SLC34A3: variants seen among roughly 807,000 people sequenced by gnomAD.
The protein encoded by SLC34A3 is solute carrier family 34 member 3, also known as sodium-dependent phosphate transport protein 2C.
SLC34A3 carries 60 observed loss-of-function variants against 43.9 expected under a neutral mutation model. The observed-to-expected ratio is 1.37, with a 90% CI of 1.11 to 1.70. SLC34A3 has a LOEUF of 1.70. Ranked by LOEUF, SLC34A3 falls within the 40% of genes most tolerant of loss-of-function variation. The probability of loss-of-function intolerance (pLI) is 0.00; values close to 1 mark genes in which losing one functional copy is unlikely to be tolerated. For synonymous variants in SLC34A3, 451 were observed against 386.2 expected (o/e 1.17, Z -1.97); for missense variants, 969 against 823.8 (o/e 1.18, Z -2.16).
intron 3 of SLC34A3, 83 bp from the exon 4 acceptor site, chr9:137,232,492 G>A (rs1028890508): frequency 5.7e-6 from 9 of 1,571,456 alleles, no homozygotes; most frequent in Admixed American, 1.7e-5. Flanking sequence ...ACAGAGGAGA[G>A]AGGGGGCAGA....
chr9:137,234,307 G>A lies in SLC34A3; in HGVS notation c.1093+31G>A, dbSNP rs772901511. On this transcript the variant is annotated intron_variant, in intron 10 of 12. Transcript: ENST00000673835. This position sits in a 1 kb window ranked among gnomAD's most constrained non-coding sequence, Gnocchi z 6.9. Reference sequence around the variant, plus strand: ...GGCGTGGGAGGAGGTGCGGTGGCCAGGGCTGACCCAGCATCCCCCATAGAC... The same window carrying A: ...GGCGTGGGAGGAGGTGCGGTGGCCAAGGCTGACCCAGCATCCCCCATAGAC... 2 of 1,607,252 alleles carry A rather than the reference G, an allele frequency of 1.2e-6. No homozygotes were observed. The highest frequency in any genetic ancestry group is 1.7e-6 in the Non-Finnish European group (2 of 1,179,160).
chr9:137,234,072 C>T lies in SLC34A3; in HGVS notation c.926-37C>T, dbSNP rs1836420304. ...GGCCCGGCCCACCCCGGCCCACCCCCCAGGCTCCCCCTCACCTGCCCCTGC... is the reference window on the plus strand; with the variant it reads ...GGCCCGGCCCACCCCGGCCCACCCCTCAGGCTCCCCCTCACCTGCCCCTGC... On this transcript the variant is annotated intron_variant, in intron 9 of 12. Transcript: ENST00000673835. This position sits in a 1 kb window ranked among gnomAD's most constrained non-coding sequence, Gnocchi z 6.9. 6 of 1,501,228 alleles carry T rather than the reference C, an allele frequency of 4.0e-6. No individual in the cohort carries two copies. The highest frequency in any genetic ancestry group is 5.4e-6 in the Non-Finnish European group (6 of 1,117,236). 93.0% of individuals were successfully genotyped at this position (1,501,228 alleles called of 1,614,324 possible). A position where few individuals can be genotyped will look rare whatever the true frequency, so the allele number is the denominator to read the frequency against.
In SLC34A3 at chr9:137,233,609, C is replaced by T. The variant is rs758312189; in HGVS notation, c.757-24C>T. ...AGTCCTGAGAGAGGGTGCAGCACAC[C>T]GTCACGACCCCTCTGGCCCCCAGTT... On this transcript the variant is annotated intron_variant, in intron 7 of 12. Transcript: ENST00000673835. 122 of 1,607,258 alleles carry T rather than the reference C, an allele frequency of 7.6e-5. 2 individuals are homozygous for T. The highest frequency in any genetic ancestry group is 1.5e-4 in the South Asian group (14 of 90,958).
chr9:137,234,718 T>G lies in SLC34A3; in HGVS notation c.1322T>G (p.Leu441Arg). 2 of 1,610,366 alleles carry G rather than the reference T, an allele frequency of 1.2e-6. No homozygotes were observed. Among genetic ancestry groups the G allele is most frequent in the Non-Finnish European group, 1.7e-6 (2 of 1,179,796 alleles). Residue 441 changes from leucine to arginine, a missense_variant, in exon 12 of 13, where the codon CTC becomes CGC. Transcript: ENST00000673835. This position sits in a 1 kb window ranked among gnomAD's most constrained non-coding sequence, Gnocchi z 6.9. ...CTGGCCAGCCCCGCAGACAGGATGC[T>G]CAGCGCCCTGCAGGTACTGTCCACC... ...AALASPADRM[L>R]SALQVALIHF...
intron 12 of SLC34A3, 34 bp from the exon 13 acceptor site, chr9:137,235,917 TG>T: frequency 6.2e-7 from 1 of 1,602,280 alleles, no homozygotes; most frequent in South Asian, 1.1e-5. Flanking sequence ...CCCACCTCGT[TG>T]GGCCCAGGCC....
At chr9:137,233,972 A>T in intron 9 of SLC34A3, 31 bp downstream of exon 9, 1 of 847,608 alleles carries the variant, frequency 1.2e-6, no homozygotes, top group Non-Finnish European at 1.4e-6. Context: ...AGCCCCCTAC[A>T]CCCCCCACAC....
chr9:137,233,830 G>A lies in SLC34A3; in HGVS notation c.847-33G>A, dbSNP rs940864714. On this transcript the variant is annotated intron_variant, in intron 8 of 12. Transcript: ENST00000673835. ...GCCCTCTGACCTCTGTCTGCCCACT[G>A]AGCCTGTCCTGAGTCCTCCCTGCCC... 5 of 1,289,504 alleles carry A rather than the reference G, an allele frequency of 3.9e-6. No homozygotes were observed. The Admixed American group carries it at 9.3e-5, about 24-fold the overall frequency. The allele number at this position is 1,289,504 out of a possible 1,614,324, so 79.9% of individuals were successfully genotyped here.
Position 137,234,215 on chromosome 9 carries a change from G to T in SLC34A3, c.1032G>T (p.Lys344Asn). ...GCGGCTGCCTGGTCCTCATAGTCAA[G>T]CTGCTCAACTCTGTGCTGCGCGGCC... ...VLCGCLVLIV[K>N]LLNSVLRGRV... Residue 344 changes from lysine to asparagine, a missense_variant, in exon 10 of 13, where the codon AAG becomes AAT. By Grantham distance (94) the Lys-to-Asn change is moderately conservative. Coordinates refer to ENST00000673835, the MANE Select transcript of SLC34A3 (RefSeq NM_001177316.2). This position sits in a 1 kb window ranked among gnomAD's most constrained non-coding sequence, Gnocchi z 6.9. The T allele has an allele frequency of 6.2e-7, 1 of 1,608,862 alleles. No individual in the cohort carries two copies. The highest frequency in any genetic ancestry group is 8.5e-7 in the Non-Finnish European group (1 of 1,178,790).
chr9:137,235,185 C>T (rs919082641), intron 12 of SLC34A3, among the ~76,000 whole-genome samples: 2 of 152,070 alleles, frequency 1.3e-5, no homozygotes, highest in African/African-American at 4.8e-5. Context: ...CCTGCCGCTG[C>T]CAGGGCTGTG....
intron 8 of SLC34A3, 57 bp downstream of exon 8, chr9:137,233,779 T>TTGGGGGGCC: frequency 7.6e-6 from 11 of 1,445,710 alleles, no homozygotes; most frequent in Non-Finnish European, 9.6e-6. Context: ...TGCTGAGTCA[T>TTGGGGGGCC]CCCGCCCCAC....
At position 137,232,862 on chromosome 9, in the gene SLC34A3, T is replaced by A. The variant is rs759826596; in HGVS notation, c.383T>A (p.Val128Asp). The A allele has an allele frequency of 8.1e-6, 13 of 1,612,442 alleles. No individual in the cohort carries two copies. Among genetic ancestry groups the A allele is most frequent in the Middle Eastern group, 1.6e-4 (1 of 6,062 alleles). The change falls in exon 5 of 13, where the codon GTC becomes GAC. Residue 128 changes from valine (V) to aspartate (D), a missense_variant. Transcript: ENST00000673835. ...PVAGLVIGVL[V>D]TALVQSSSTS... Reference sequence around the variant, plus strand: ...GCTGGACTGGTCATTGGCGTGCTGGTCACAGCCCTGGTGCAGAGTTCCAGC... The same window carrying A: ...GCTGGACTGGTCATTGGCGTGCTGGACACAGCCCTGGTGCAGAGTTCCAGC...
chr9:137,234,519 C>T lies in SLC34A3; in HGVS notation c.1197C>T (p.Val399=), dbSNP rs201720181. 14 of 1,605,482 alleles carry T rather than the reference C, an allele frequency of 8.7e-6. No individual in the cohort carries two copies. Among genetic ancestry groups the T allele is most frequent in the East Asian group, 6.7e-5 (3 of 44,770 alleles). The part of the protein sequence containing the change: ...LQSSSVFTAA[V]VPLMGVGVIS... The stretch of plus-strand genomic sequence containing the variant: ...GCAGCAGCGTCTTCACGGCGGCCGT[C>T]GTGCCCCTCATGGGTGAGCAGGCAG... The change falls in exon 11 of 13, where the codon GTC becomes GTT. Residue 399 remains valine, a synonymous_variant. Transcript: ENST00000673835. The surrounding 1 kb of genome is among the most constrained non-coding windows in gnomAD (Gnocchi z 6.9).
chr9:137,233,779 T>TTGGCGCC, intron 8 of SLC34A3, 57 bp downstream of exon 8: 6 of 1,445,760 alleles, frequency 4.2e-6, no homozygotes, highest in Non-Finnish European at 5.8e-6. Flanking sequence ...TGCTGAGTCA[T>TTGGCGCC]CCCGCCCCAC....
In SLC34A3 at chr9:137,236,308, C is replaced by A; in HGVS notation, c.1692C>A (p.Arg564=). ...TCCATTCTCTGGAGCCCTGGGACCG[C>A]CTGGTGACCCGCTGCTGCCCCTGCA... is the stretch of plus-strand genomic sequence containing the variant. The part of the protein sequence containing the change: ...VWLHSLEPWD[R]LVTRCCPCNV... Residue 564 remains arginine (R), a synonymous_variant, in exon 13 of 13, where the codon CGC becomes CGA. Transcript: ENST00000673835. 1 of 1,542,898 alleles carries A rather than the reference C, an allele frequency of 6.5e-7. No individual in the cohort carries two copies.
At chr9:137,231,589 G>A (rs1836215807) in intron 1 of SLC34A3, 75 bp from the exon 2 acceptor site, 10 of 927,640 alleles carry the variant, frequency 1.1e-5, no homozygotes, top group South Asian at 9.1e-5. Context: ...GGGGACCCAG[G>A]GGTGTGAATC....
At chr9:137,235,305 G>C (rs1277923366) in intron 12 of SLC34A3, among the ~76,000 whole-genome samples, 1 of 152,178 alleles carries the variant, frequency 6.6e-6, no homozygotes, top group Non-Finnish European at 1.5e-5. Flanking sequence ...TCTGCGGCCT[G>C]CTGCCCGGAG....
In SLC34A3 at chr9:137,233,906, A is replaced by G. The variant is rs1836405391; in HGVS notation, c.890A>G (p.Glu297Gly). 3 of 1,606,268 alleles carry G rather than the reference A, an allele frequency of 1.9e-6. No homozygotes were observed. Among genetic ancestry groups the G allele is most frequent in the Non-Finnish European group, 2.5e-6 (3 of 1,177,758 alleles). ...SSCGAFGPCT[E>G]KNSTAPADRL... ...TGTGGCGCCTTCGGCCCGTGCACAG[A>G]GAAGAACAGCACAGCCCCGGCGGAC... The change falls in exon 9 of 13, where the codon GAG becomes GGG. Residue 297 changes from glutamate (E) to glycine (G), a missense_variant. Coordinates refer to ENST00000673835, the MANE Select transcript of SLC34A3 (RefSeq NM_001177316.2).
At chr9:137,230,147 G>A (rs534305828), upstream of SLC34A3, among the ~76,000 whole-genome samples, 9 of 152,256 alleles carry the variant, frequency 5.9e-5, no homozygotes, top group East Asian at 1.2e-3. Context: ...CCCCAGGGCA[G>A]GAAGAGGCCC....
chr9:137,231,871 T>G, intron 2 of SLC34A3, 84 bp downstream of exon 2: 1 of 1,329,672 alleles, frequency 7.5e-7, no homozygotes, highest in East Asian at 2.3e-5. Context: ...CCAGGTTTCC[T>G]GCGGGCCTCC....
Sources: gnomAD v4.1 joint callset for allele counts (sites outside exome capture counted in the v4.1 genomes callset) on GRCh38, gnomAD v4.1.1 for gene constraint, Gnocchi (gnomAD v3.1) non-coding constraint, MANE v1.5 for transcripts, NCBI Gene and HGNC (gene_info 2026-07-23, HGNC 2026-07-21) for gene names.